The following LYPLAL1 variants were observed in gnomAD, a reference collection of about 807,000 sequenced individuals.
The protein encoded by LYPLAL1 is lysophospholipase-like protein 1.
LYPLAL1 carries 23 observed loss-of-function variants against 19.7 expected under a neutral mutation model. The observed-to-expected ratio is 1.17, with a 90% CI of 0.84 to 1.65. LYPLAL1 has a LOEUF of 1.65. Ranked by LOEUF, LYPLAL1 falls within the 40% of genes most tolerant of loss-of-function variation. LYPLAL1 has a pLI of 0.00. For synonymous variants in LYPLAL1, 119 were observed against 96.3 expected (o/e 1.24, Z -1.38); for missense variants, 355 against 279.4 (o/e 1.27, Z -1.93).
chr1:219,289,222 C>T, the LYPLAL1 span, among the ~76,000 whole-genome samples: 2,004 of 152,070 alleles, frequency 0.013, 55 homozygotes, highest in African/African-American at 0.045. Context: ...AGAGTACATG[C>T]TATGCTTAAT....
the LYPLAL1 span, among the ~76,000 whole-genome samples, chr1:219,263,050 G>T: frequency 6.6e-6 from 1 of 152,140 alleles, no homozygotes. Flanking sequence ...GACAGGATAA[G>T]TTTCTCAGGT....
chr1:219,370,425 C>T, the LYPLAL1 span, among the ~76,000 whole-genome samples: 2 of 152,154 alleles, frequency 1.3e-5, no homozygotes, highest in Non-Finnish European at 2.9e-5. Flanking sequence ...CCCTATATCT[C>T]GATTCTGCAT....
At chr1:219,356,391 T>C in the LYPLAL1 span, among the ~76,000 whole-genome samples, 1 of 152,060 alleles carries the variant, frequency 6.6e-6, no homozygotes, top group African/African-American at 2.4e-5. Context: ...TCCCAGCTAC[T>C]TGGGAGGCTG....
At chr1:219,390,886 A>G in the LYPLAL1 span, among the ~76,000 whole-genome samples, 3 of 152,138 alleles carry the variant, frequency 2.0e-5, no homozygotes, top group African/African-American at 7.2e-5. Flanking sequence ...ACTTGCACTT[A>G]TATTAACTTC....
the LYPLAL1 span, among the ~76,000 whole-genome samples, chr1:219,315,959 G>GA: frequency 2.6e-5 from 4 of 151,652 alleles, no homozygotes; most frequent in African/African-American, 7.3e-5. Flanking sequence ...TAATTAAATG[G>GA]AAAAAAAATG....
At chr1:219,283,818 C>T in the LYPLAL1 span, among the ~76,000 whole-genome samples, 5 of 152,108 alleles carry the variant, frequency 3.3e-5, no homozygotes, top group Non-Finnish European at 7.3e-5. Flanking sequence ...AGGCCTTGTA[C>T]AGATCAGTTT....
the LYPLAL1 span, among the ~76,000 whole-genome samples, chr1:219,310,808 A>G: frequency 6.6e-6 from 1 of 152,372 alleles, no homozygotes; most frequent in South Asian, 2.1e-4. Context: ...TTGCTGCCAG[A>G]AAATCCTGAA....
chr1:219,439,974 CATAT>C, the LYPLAL1 span, among the ~76,000 whole-genome samples: 4 of 100,166 alleles, frequency 4.0e-5, no homozygotes, highest in East Asian at 2.5e-4. Flanking sequence ...TATATATATA[CATAT>C]ATATATATAT....
intron 2 of LYPLAL1, among the ~76,000 whole-genome samples, chr1:219,184,394 C>T (rs1261157437): frequency 6.6e-6 from 1 of 151,738 alleles, no homozygotes; most frequent in Admixed American, 6.6e-5. Flanking sequence ...TTTCTAAATT[C>T]ACTTATTTCT....
At chr1:219,279,231 G>C in the LYPLAL1 span, among the ~76,000 whole-genome samples, 2 of 152,168 alleles carry the variant, frequency 1.3e-5, no homozygotes, top group African/African-American at 4.8e-5. Context: ...AATGTGGGTG[G>C]GCAGGGGATT....
downstream of LYPLAL1, among the ~76,000 whole-genome samples, chr1:219,214,695 T>G (rs1659225354): frequency 6.7e-6 from 1 of 149,136 alleles, no homozygotes; most frequent in East Asian, 2.0e-4. Flanking sequence ...TTTCTTTTTT[T>G]TTTTTTTTTT....
the LYPLAL1 span, among the ~76,000 whole-genome samples, chr1:219,421,663 A>C: frequency 6.6e-6 from 1 of 152,138 alleles, no homozygotes; most frequent in East Asian, 1.9e-4. Context: ...ATTATCCTAC[A>C]AGATATATAA....
the LYPLAL1 span, among the ~76,000 whole-genome samples, chr1:219,233,409 A>T: frequency 3.3e-5 from 5 of 152,328 alleles, no homozygotes; most frequent in East Asian, 7.7e-4. Flanking sequence ...AAAGCTCTGG[A>T]GATTGTTTGC....
chr1:219,350,092 A>G, the LYPLAL1 span, among the ~76,000 whole-genome samples: 2 of 152,224 alleles, frequency 1.3e-5, no homozygotes, highest in African/African-American at 4.8e-5. Context: ...GTAAACTCTA[A>G]TGTACCTTCA....
At chr1:219,285,396 A>G in the LYPLAL1 span, among the ~76,000 whole-genome samples, 3 of 152,220 alleles carry the variant, frequency 2.0e-5, no homozygotes, top group African/African-American at 4.8e-5. Flanking sequence ...ATGTGTTTAT[A>G]TCACTAGAGG....
At chr1:219,217,407 T>TGTGTGTGTGTGTGTGTGTGA (rs1225833975), downstream of LYPLAL1, among the ~76,000 whole-genome samples, 22 of 116,154 alleles carry the variant, frequency 1.9e-4, no homozygotes, top group Non-Finnish European at 1.9e-4. Flanking sequence ...TGTGTGTGTG[T>TGTGTGTGTGTGTGTGTGTGA]GAGAGATGGT....
the LYPLAL1 span, among the ~76,000 whole-genome samples, chr1:219,424,344 C>T: frequency 6.6e-6 from 1 of 152,092 alleles, no homozygotes; most frequent in East Asian, 1.9e-4. Flanking sequence ...TTTCAAATGG[C>T]TTAAAGTAAT....
At chr1:219,325,047 A>G in the LYPLAL1 span, among the ~76,000 whole-genome samples, 3 of 152,168 alleles carry the variant, frequency 2.0e-5, no homozygotes, top group Non-Finnish European at 4.4e-5. Flanking sequence ...TGGGAAATAT[A>G]AACTTCTTTG....
downstream of LYPLAL1, among the ~76,000 whole-genome samples, chr1:219,214,550 C>A (rs1659218894): frequency 6.6e-6 from 1 of 151,990 alleles, no homozygotes; most frequent in Admixed American, 6.6e-5. Context: ...CAATATTATG[C>A]CACTTCACAT....
Sources: allele counts gnomAD v4.1 joint callset (sites outside exome capture counted in the v4.1 genomes callset), GRCh38; gene constraint gnomAD v4.1.1; transcripts MANE v1.5; gene names NCBI Gene and HGNC (gene_info 2026-07-23, HGNC 2026-07-21).